Variants in LSM14B observed in about 807,000 individuals in gnomAD.
The protein encoded by LSM14B is protein LSM14 homolog B.
In LSM14B, 8 loss-of-function variants were observed where a neutral mutation model predicts 42.1. That is an observed-to-expected ratio of 0.19 (90% CI 0.11 to 0.34). The LOEUF is 0.34. LSM14B is among the 10% of genes least tolerant of loss of function. The pLI, the probability that LSM14B is intolerant of heterozygous loss-of-function variation, is 1.00. For synonymous variants in LSM14B, 219 were observed against 209.7 expected, an observed-to-expected ratio of 1.04 and a Z score of -0.38; for missense variants, 396 against 513.1, an observed-to-expected ratio of 0.77 and a Z score of 2.21.
Position 62,129,777 on chromosome 20 carries a change from C to G in LSM14B, c.428-8C>G. ...TGTTTTTAAACCCTCCTCCCCTCCT[C>G]AATTCAGGAGCTGGTTTTCCATCCA... is the stretch of plus-strand genomic sequence containing the variant. On this transcript the variant is annotated splice_region_variant and splice_polypyrimidine_tract_variant and intron_variant, in intron 3 of 8. Transcript: ENST00000279068. 3 of 1,604,814 alleles carry G rather than the reference C, an allele frequency of 1.9e-6. No homozygotes were observed. The highest frequency in any genetic ancestry group is 2.6e-6 in the Non-Finnish European group (3 of 1,175,786).
In LSM14B at chr20:62,122,706, A is replaced by G; in HGVS notation, c.40A>G (p.Ile14Val). ...SSGTPYLGSK[I>V]SLISKAQIRY... Reference sequence around the variant, plus strand: ...AGGCACCCCGTATCTGGGCAGCAAGATCAGCCTCATCTCCAAGGCGCAGAT... The same window carrying G: ...AGGCACCCCGTATCTGGGCAGCAAGGTCAGCCTCATCTCCAAGGCGCAGAT... Residue 14 changes from isoleucine (I) to valine (V), a missense_variant, in exon 1 of 9, where the codon ATC becomes GTC. This residue lies in a region of LSM14B where 274 missense variants were observed against 335.8 expected (regional missense o/e 0.82). Transcript: ENST00000279068. This position sits in a 1 kb window ranked among gnomAD's most constrained non-coding sequence, Gnocchi z 4.6. The G allele has an allele frequency of 6.6e-7, 1 of 1,512,818 alleles. No homozygotes were observed. Among genetic ancestry groups the G allele is most frequent in the Non-Finnish European group, 8.9e-7 (1 of 1,124,464 alleles). The allele number at this position is 1,512,818 out of a possible 1,614,324, so 93.7% of individuals were successfully genotyped here.
chr20:62,128,744 C>A (rs1324268040), intron 3 of LSM14B, among the ~76,000 whole-genome samples: 1 of 152,188 alleles, frequency 6.6e-6, no homozygotes, highest in Non-Finnish European at 1.5e-5. Flanking sequence ...AGGACACTTT[C>A]CAGACCTCTA....
chr20:62,128,934 T>C (rs774145123), intron 3 of LSM14B: 8 of 1,303,764 alleles, frequency 6.1e-6, no homozygotes, highest in Non-Finnish European at 8.1e-6. Context: ...GGGTGCCTTT[T>C]CTGTTTCAGA....
chr20:62,131,718 C>G (rs924179819), intron 7 of LSM14B, among the ~76,000 whole-genome samples: 1 of 152,124 alleles, frequency 6.6e-6, no homozygotes, highest in South Asian at 2.1e-4. Context: ...TGGCTGAGGT[C>G]GAGCCTGTTT....
chr20:62,124,348 G>A (rs979605762), intron 1 of LSM14B, among the ~76,000 whole-genome samples: 2 of 152,232 alleles, frequency 1.3e-5, no homozygotes, highest in Admixed American at 6.5e-5. Context: ...TGGTGCCTTC[G>A]CACATCAGAC....
Position 62,130,729 on chromosome 20 carries a change from A to G in LSM14B, c.835+38A>G. ...ATATGAAAATTATTCTCTGCACAGG[A>G]GTACCCCTAGAGAGTGTTAGGAGGA... is the stretch of plus-strand genomic sequence containing the variant. On this transcript the variant is annotated intron_variant, in intron 6 of 8. Transcript: ENST00000279068. The surrounding 1 kb of genome is among the most constrained non-coding windows in gnomAD (Gnocchi z 4.1). 3 of 1,598,782 alleles carry G rather than the reference A, an allele frequency of 1.9e-6. No individual in the cohort carries two copies. The highest frequency in any genetic ancestry group is 2.6e-6 in the Non-Finnish European group (3 of 1,173,620).
Position 62,130,694 on chromosome 20 carries a change from T to G in LSM14B, c.835+3T>G. 1.9e-6 allele frequency: 3 copies of G among 1,612,870 alleles called. No homozygotes were observed. In the South Asian group the frequency reaches 3.3e-5, roughly 18 times the overall value. ...TAAGAAGAAACTGAATTTTAAAGGT[T>G]TGGCTCATTATATGAAAATTATTCT... On this transcript the variant is annotated splice_donor_region_variant and intron_variant, in intron 6 of 8. Coordinates refer to ENST00000279068, the MANE Select transcript of LSM14B (RefSeq NM_144703.3). The surrounding 1 kb of genome is among the most constrained non-coding windows in gnomAD (Gnocchi z 4.1).
Position 62,130,291 on chromosome 20 carries a change from G to A in LSM14B, c.668G>A (p.Arg223Gln), listed in dbSNP as rs2056730091. 1.9e-6 allele frequency: 3 copies of A among 1,593,296 alleles called. No homozygotes were observed. The highest frequency in any genetic ancestry group is 2.3e-5 in the East Asian group (1 of 43,766). ...GAGAACAGAAGACCTCAGAGGAGGC[G>A]ATCAGGTAACACCTGTTGCCACTTG... ...NDENRRPQRR[R>Q]SGNRRTRNRS... is the part of the protein sequence containing the mutation. The change falls in exon 5 of 9, where the codon CGA (arginine) becomes CAA (glutamine). Residue 223 changes from arginine (R) to glutamine (Q), a missense_variant. This residue lies in a region of LSM14B where 274 missense variants were observed against 335.8 expected (regional missense o/e 0.82). Transcript: ENST00000279068. The surrounding 1 kb of genome is among the most constrained non-coding windows in gnomAD (Gnocchi z 4.1).
intron 7 of LSM14B, among the ~76,000 whole-genome samples, chr20:62,132,433 GGTTGGAC>G (rs2056793872): frequency 6.6e-6 from 1 of 152,222 alleles, no homozygotes; most frequent in Non-Finnish European, 1.5e-5. Flanking sequence ...TGGTGAGAGT[GGTTGGAC>G]GGTGGGCAAG....
At chr20:62,133,697 C>T (rs1031219267) in intron 8 of LSM14B, among the ~76,000 whole-genome samples, 5 of 152,224 alleles carry the variant, frequency 3.3e-5, no homozygotes, top group African/African-American at 9.6e-5. Flanking sequence ...CAGCATCCTC[C>T]AAGTGAGATT....
chr20:62,130,737 TAG>T lies in LSM14B; in HGVS notation c.835+51_835+52del. On this transcript the variant is annotated intron_variant, in intron 6 of 8. Coordinates refer to ENST00000279068, the MANE Select transcript of LSM14B (RefSeq NM_144703.3). This position sits in a 1 kb window ranked among gnomAD's most constrained non-coding sequence, Gnocchi z 4.1. Reference sequence around the variant, plus strand: ...ATTATTCTCTGCACAGGAGTACCCCTAGAGAGTGTTAGGAGGAGATGCCTGGC... The same window carrying T: ...ATTATTCTCTGCACAGGAGTACCCCTAGAGTGTTAGGAGGAGATGCCTGGC... 6.3e-7 allele frequency: 1 copy of T among 1,581,438 alleles called. No individual in the cohort carries two copies. The highest frequency in any genetic ancestry group is 8.6e-7 in the Non-Finnish European group (1 of 1,163,286).
At chr20:62,125,309 C>T (rs1196676437) in intron 2 of LSM14B, among the ~76,000 whole-genome samples, 2 of 152,184 alleles carry the variant, frequency 1.3e-5, no homozygotes, top group Non-Finnish European at 2.9e-5. Flanking sequence ...TTAAGGAAGG[C>T]GACCTGGGGA....
Position 62,124,600 on chromosome 20 carries a change from C to T in LSM14B, c.128-17C>T, listed in dbSNP as rs777829666. On this transcript the variant is annotated splice_polypyrimidine_tract_variant and intron_variant, in intron 1 of 8. Coordinates refer to ENST00000279068, the MANE Select transcript of LSM14B (RefSeq NM_144703.3). Reference sequence around the variant, plus strand: ...GGCTGAGGACAACAATAACGCTTCTCTTTCTCCACTCATAAGTGAGGTCCT... The same window carrying T: ...GGCTGAGGACAACAATAACGCTTCTTTTTCTCCACTCATAAGTGAGGTCCT... The T allele has an allele frequency of 2.5e-6, 4 of 1,611,538 alleles. No homozygotes were observed. Among genetic ancestry groups the T allele is most frequent in the East Asian group, 2.2e-5 (1 of 44,854 alleles).
rs200287068 is a variant in LSM14B, at chr20:62,129,951, C to T, written c.594C>T (p.Ser198=). The T allele has an allele frequency of 1.1e-4, 185 of 1,611,894 alleles. No homozygotes were observed. Among genetic ancestry groups the T allele is most frequent in the Non-Finnish European group, 1.5e-4 (174 of 1,179,186 alleles). The change falls in exon 4 of 9, where the codon AGC becomes AGT. Residue 198 remains serine (S), a splice_region_variant and synonymous_variant. Coordinates refer to ENST00000279068, the MANE Select transcript of LSM14B (RefSeq NM_144703.3). The part of the protein sequence containing the change: ...RQAQPSSKTA[S]DVVQPAAVQA... ...CCCAGCCGAGCAGCAAGACGGCCAG[C>T]GGTACTTGAACACATCATTTCCTGG...
rs2056866735 is a variant in LSM14B, at chr20:62,135,024, G to A, written c.*876G>A. The A allele has an allele frequency of 1.3e-5, 2 of 152,222 alleles. No homozygotes were observed. The highest frequency in any genetic ancestry group is 4.8e-5 in the African/African-American group (2 of 41,448). The allele number at this position is 152,222 out of a possible 1,614,324, so 9.4% of individuals were successfully genotyped here. A position where few individuals can be genotyped will look rare whatever the true frequency, so the allele number is the denominator to read the frequency against. ...CAAGCCAGTCTTTTCTGCAAGGTCAGTTGACCAAGAGCATATTTCCCCTCT... is the reference window on the plus strand; with the variant it reads ...CAAGCCAGTCTTTTCTGCAAGGTCAATTGACCAAGAGCATATTTCCCCTCT... On this transcript the variant is annotated 3_prime_UTR_variant, in exon 9 of 9. Coordinates refer to ENST00000279068, the MANE Select transcript of LSM14B (RefSeq NM_144703.3).
Position 62,133,298 on chromosome 20 carries a change from G to T in LSM14B, c.995G>T (p.Arg332Leu), listed in dbSNP as rs755543275. ...ISSELKTSSR[R>L]TTWAEERKLN... ...TTTCCTCTGTGGTTTAGCTCCAGGC[G>T]GACGACGTGGGCCGAAGAGAGGAAG... is the stretch of plus-strand genomic sequence containing the variant. Residue 332 changes from arginine to leucine, a missense_variant, in exon 8 of 9, where the codon CGG (arginine) becomes CTG (leucine). Physicochemically the swap from Arg to Leu is moderately radical, Grantham distance 102. Coordinates refer to ENST00000279068, the MANE Select transcript of LSM14B (RefSeq NM_144703.3). The T allele has an allele frequency of 6.2e-7, 1 of 1,613,318 alleles. No individual in the cohort carries two copies. The highest frequency in any genetic ancestry group is 8.5e-7 in the Non-Finnish European group (1 of 1,179,562).
intron 1 of LSM14B, 48 bp from the exon 2 acceptor site, chr20:62,124,569 T>G: frequency 1.3e-6 from 2 of 1,587,844 alleles, no homozygotes; most frequent in Non-Finnish European, 1.7e-6. Flanking sequence ...CAGGGTTGAT[T>G]GAACTGGCTG....
Position 62,122,622 on chromosome 20 carries a change from C to T in LSM14B, c.-45C>T. The T allele has an allele frequency of 8.3e-7, 1 of 1,211,542 alleles. No homozygotes were observed. Among genetic ancestry groups the T allele is most frequent in the Non-Finnish European group, 1.1e-6 (1 of 950,616 alleles). 75.0% of individuals were successfully genotyped at this position (1,211,542 alleles called of 1,614,324 possible). A position where few individuals can be genotyped will look rare whatever the true frequency, so the allele number is the denominator to read the frequency against. On this transcript the variant is annotated 5_prime_UTR_variant, in exon 1 of 9. Coordinates refer to ENST00000279068, the MANE Select transcript of LSM14B (RefSeq NM_144703.3). The surrounding 1 kb of genome is among the most constrained non-coding windows in gnomAD (Gnocchi z 4.6). ...CGCGGCGGCGGAGCGGGCCGCGGCC[C>T]GGCGCTCCTTCCCCACCGCGGCCCG... is the stretch of plus-strand genomic sequence containing the variant.
At chr20:62,129,098 G>A in intron 3 of LSM14B, 1 of 993,376 alleles carries the variant, frequency 1.0e-6, no homozygotes, top group South Asian at 1.3e-5. Flanking sequence ...CATCCCCTGT[G>A]CGTGGGCCTC....
Sources: gnomAD v4.1 joint callset for allele counts (sites outside exome capture counted in the v4.1 genomes callset) on GRCh38, gnomAD v4.1.1 for gene constraint, gnomAD v4.1.1 regional missense constraint, Gnocchi (gnomAD v3.1) non-coding constraint, MANE v1.5 for transcripts, NCBI Gene and HGNC (gene_info 2026-07-23, HGNC 2026-07-21) for gene names.